Variants in SQSTM1 observed in about 807,000 individuals in gnomAD.
SQSTM1 encodes the protein sequestosome 1, also known as sequestosome-1.
SQSTM1 carries 36 observed loss-of-function variants against 45.1 expected under a neutral mutation model. That is an observed-to-expected ratio of 0.80 (90% CI 0.61 to 1.05). SQSTM1 has a LOEUF of 1.05. Among genes scored for constraint, SQSTM1 ranks in the 50% least tolerant of loss-of-function variants. The pLI, the probability that SQSTM1 is intolerant of heterozygous loss-of-function variation, is 0.00. For synonymous variants in SQSTM1, 290 were observed against 244.3 expected (o/e 1.19, Z -1.74); for missense variants, 617 against 607.1 (o/e 1.02, Z -0.17).
chr5:179,814,787 G>C (rs1000791733), upstream of SQSTM1, among the ~76,000 whole-genome samples: 5 of 152,170 alleles, frequency 3.3e-5, no homozygotes, highest in Admixed American at 6.5e-5. Context: ...TGGGTGAGGT[G>C]GCTCACGCCT....
intron 1 of SQSTM1, among the ~76,000 whole-genome samples, chr5:179,808,970 G>C (rs891861927): frequency 3.3e-5 from 5 of 150,386 alleles, no homozygotes; most frequent in African/African-American, 1.2e-4. Context: ...CCATTCTCCT[G>C]CCTCAGCCTC....
At chr5:179,830,135 A>AACAAAACAAAACAAAAAAC (rs1554090913) in intron 5 of SQSTM1, among the ~76,000 whole-genome samples, 1 of 151,312 alleles carries the variant, frequency 6.6e-6, no homozygotes, top group Non-Finnish European at 1.5e-5. Flanking sequence ...AACAAAACAA[A>AACAAAACAAAACAAAAAAC]AAACAAAAAT....
At chr5:179,822,323 A>C (rs515110) in intron 1 of SQSTM1, among the ~76,000 whole-genome samples, 15,317 of 152,092 alleles carry the variant, frequency 0.1, 1,614 homozygotes, top group African/African-American at 0.26. Context: ...TTACCTGTTC[A>C]TTAGTTGACA....
upstream of SQSTM1, among the ~76,000 whole-genome samples, chr5:179,816,867 T>G (rs554436121): frequency 3.9e-5 from 6 of 152,066 alleles, no homozygotes; most frequent in East Asian, 1.2e-3. Context: ...TGCCCCCGGG[T>G]CTCCGGCCAC....
At chr5:179,819,231 G>T (rs1757676860), upstream of SQSTM1, among the ~76,000 whole-genome samples, 3 of 152,172 alleles carry the variant, frequency 2.0e-5, no homozygotes, top group Admixed American at 2.0e-4. Context: ...CAGGGCGGCC[G>T]CTGGGGCCGC....
chr5:179,820,932 T>G lies in SQSTM1; in HGVS notation c.-5T>G, dbSNP rs751685590. 172 of 1,533,058 alleles carry G rather than the reference T, an allele frequency of 1.1e-4. No homozygotes were observed. The Middle Eastern group carries it at 2.1e-3, about 19-fold the overall frequency. The allele number at this position is 1,533,058 out of a possible 1,614,324, so 95.0% of individuals were successfully genotyped here. Reference sequence around the variant, plus strand: ...GGCCCGTTTTCCGCCAGCTCGCCGCTCGCTATGGCGTCGCTCACCGTGAAG... The same window carrying G: ...GGCCCGTTTTCCGCCAGCTCGCCGCGCGCTATGGCGTCGCTCACCGTGAAG... On this transcript the variant is annotated 5_prime_UTR_variant, in exon 1 of 8. Coordinates refer to ENST00000389805, the MANE Select transcript of SQSTM1 (RefSeq NM_003900.5).
At chr5:179,819,941 G>C (rs921220026), upstream of SQSTM1, among the ~76,000 whole-genome samples, 4 of 152,204 alleles carry the variant, frequency 2.6e-5, no homozygotes, top group Admixed American at 2.6e-4. Flanking sequence ...GCAAGCCCTG[G>C]GCTGAAATGG....
At position 179,837,924 on chromosome 5, in the gene SQSTM1, C is replaced by CA; in HGVS notation, c.*1333dup. ...TGGCCATGCCCTCCATGTGTAAGAACAATGCCAGGGCCCAGGAGGACCGCC... is the reference window on the plus strand; with the variant it reads ...TGGCCATGCCCTCCATGTGTAAGAACAAATGCCAGGGCCCAGGAGGACCGCC... On this transcript the variant is annotated 3_prime_UTR_variant, in exon 8 of 8. Transcript: ENST00000389805. 6.3e-7 allele frequency: 1 copy of CA among 1,578,242 alleles called. No individual in the cohort carries two copies. The highest frequency in any genetic ancestry group is 8.6e-7 in the Non-Finnish European group (1 of 1,166,392).
rs1051585754 is a variant in SQSTM1, at chr5:179,806,925, G to A, written c.-157+334G>A. On this transcript the variant is annotated intron_variant, in intron 1 of 5. Transcript: ENST00000514093. The surrounding 1 kb of genome is among the most constrained non-coding windows in gnomAD (Gnocchi z 4.6). Reference sequence around the variant, plus strand: ...GCCGGGCTGGGCTGGGCTGGGCGGCGAGAGCCGCGGCCCGGCCTGGATCTG... The same window carrying A: ...GCCGGGCTGGGCTGGGCTGGGCGGCAAGAGCCGCGGCCCGGCCTGGATCTG... 4.6e-5 allele frequency: 7 copies of A among 150,568 alleles called. No homozygotes were observed. Among genetic ancestry groups the A allele is most frequent in the African/African-American group, 1.7e-4 (7 of 41,278 alleles). The allele number at this position is 150,568 out of a possible 1,614,324, so 9.3% of individuals were successfully genotyped here.
chr5:179,831,158 A>G (rs906338289), intron 5 of SQSTM1, among the ~76,000 whole-genome samples: 1 of 152,342 alleles, frequency 6.6e-6, no homozygotes, highest in Non-Finnish European at 1.5e-5. Context: ...CGGGGGACCT[A>G]ACAGGACAGA....
Position 179,833,621 on chromosome 5 carries a change from A to G in SQSTM1, c.1004A>G (p.Asp335Gly). The G allele has an allele frequency of 6.2e-7, 1 of 1,614,008 alleles. No individual in the cohort carries two copies. Among genetic ancestry groups the G allele is most frequent in the Non-Finnish European group, 8.5e-7 (1 of 1,180,010 alleles). ...QMESDNCSGG[D>G]DDWTHLSSKE... is the part of the protein sequence containing the mutation. ...GAGTCGGATAACTGTTCAGGAGGAG[A>G]TGATGACTGGACCCATCTGTCTTCA... Residue 335 changes from aspartate (D) to glycine (G), a missense_variant, in exon 7 of 8, where the codon GAT (aspartate) becomes GGT (glycine). Physicochemically the swap from Asp to Gly is moderately conservative, Grantham distance 94. Transcript: ENST00000389805.
At chr5:179,815,997 G>A (rs758808211), upstream of SQSTM1, among the ~76,000 whole-genome samples, 1 of 152,088 alleles carries the variant, frequency 6.6e-6, no homozygotes, top group African/African-American at 2.4e-5. Flanking sequence ...GCTGAGTCTC[G>A]TCGGGAGGCT....
Position 179,833,773 on chromosome 5 carries a change from C to T in SQSTM1, c.1156C>T (p.Leu386Phe). The T allele has an allele frequency of 6.2e-7, 1 of 1,614,110 alleles. No individual in the cohort carries two copies. The highest frequency in any genetic ancestry group is 2.2e-5 in the East Asian group (1 of 44,856). The change falls in exon 7 of 8, where the codon CTC (leucine) becomes TTC (phenylalanine). Residue 386 changes from leucine to phenylalanine, a missense_variant. Transcript: ENST00000389805. ...GLKEAALYPHLPPEADPRLIE... is the reference protein window; with the variant it reads ...GLKEAALYPHFPPEADPRLIE... The stretch of plus-strand genomic sequence containing the variant: ...GAAGGAAGCTGCCTTGTACCCACAT[C>T]TCCCGCCAGGCAAGTGAACCAAGAG...
intron 1 of SQSTM1, among the ~76,000 whole-genome samples, chr5:179,809,720 T>C (rs1013302648): frequency 7.0e-6 from 1 of 143,340 alleles, no homozygotes; most frequent in African/African-American, 2.6e-5. Context: ...CTGGGCTCAC[T>C]GCAACCTCCG....
upstream of SQSTM1, among the ~76,000 whole-genome samples, chr5:179,815,289 C>A (rs1259329286): frequency 6.6e-6 from 1 of 151,966 alleles, no homozygotes; most frequent in Non-Finnish European, 1.5e-5. Context: ...TGGTGGTGGG[C>A]GCCTGTAATC....
chr5:179,818,012 CAAAAAAAAAA>C (rs528143529), upstream of SQSTM1, among the ~76,000 whole-genome samples: 22 of 29,182 alleles, frequency 7.5e-4, no homozygotes, highest in Non-Finnish European at 1.2e-3. Flanking sequence ...GAGACTGTCT[CAAAAAAAAAA>C]AAAAAAAAAA....
intron 7 of SQSTM1, among the ~76,000 whole-genome samples, chr5:179,834,161 G>T (rs112145397): frequency 1.4e-5 from 2 of 145,536 alleles, no homozygotes; most frequent in African/African-American, 2.6e-5. Flanking sequence ...CTGAGAGGGG[G>T]GGGGGTCATA....
In SQSTM1 at chr5:179,837,822, C is replaced by T. The variant is rs762242695; in HGVS notation, c.*1229C>T. On this transcript the variant is annotated 3_prime_UTR_variant, in exon 8 of 8. Coordinates refer to ENST00000389805, the MANE Select transcript of SQSTM1 (RefSeq NM_003900.5). ...CTCAGCTCCCCGGCACTGCAGTCTG[C>T]AGAGTTCTCCTGGAGGCAGGGGCTG... is the stretch of plus-strand genomic sequence containing the variant. 1.2e-6 allele frequency: 2 copies of T among 1,613,350 alleles called. No individual in the cohort carries two copies. Among genetic ancestry groups the T allele is most frequent in the Non-Finnish European group, 8.5e-7 (1 of 1,180,046 alleles).
At chr5:179,824,579 C>T (rs1404719564) in intron 4 of SQSTM1, among the ~76,000 whole-genome samples, 1 of 152,190 alleles carries the variant, frequency 6.6e-6, no homozygotes, top group Non-Finnish European at 1.5e-5. Context: ...AGGCTGCCCT[C>T]TCAAGGTACC....
Sources: gnomAD v4.1 joint callset for allele counts (sites outside exome capture counted in the v4.1 genomes callset) on GRCh38, gnomAD v4.1.1 for gene constraint, Gnocchi (gnomAD v3.1) non-coding constraint, MANE v1.5 for transcripts, NCBI Gene and HGNC (gene_info 2026-07-23, HGNC 2026-07-21) for gene names.